The following HIVEP3 variants were observed in gnomAD, a reference collection of about 807,000 sequenced individuals.
The protein encoded by HIVEP3 is HIVEP zinc finger 3.
HIVEP3 carries 49 observed loss-of-function variants against 152.8 expected under a neutral mutation model. That is an observed-to-expected ratio of 0.32 (90% CI 0.26 to 0.41). The LOEUF (loss-of-function observed/expected upper bound fraction) is 0.41, where lower values mean the gene tolerates loss of function less well. Ranked by LOEUF, HIVEP3 falls within the 10% of genes least tolerant of loss-of-function variation. The pLI is 1.00. For missense variants in HIVEP3, 2,790 were observed against 3,103.3 expected, an observed-to-expected ratio of 0.90 and a Z score of 2.40; for synonymous variants, 1,269 against 1,289.0, an observed-to-expected ratio of 0.98 and a Z score of 0.33.
intron 2 of HIVEP3, among the ~76,000 whole-genome samples, chr1:41,639,835 T>C (rs1318571233): frequency 6.6e-6 from 1 of 152,178 alleles, no homozygotes; most frequent in East Asian, 1.9e-4. Flanking sequence ...GGTAGCTGAC[T>C]CACGGATGAG....
chr1:41,649,986 G>A (rs1042659774), intron 2 of HIVEP3, among the ~76,000 whole-genome samples: 1 of 152,066 alleles, frequency 6.6e-6, no homozygotes, highest in Non-Finnish European at 1.5e-5. Context: ...ACATCCCCGG[G>A]GGTGGGAAAG....
chr1:41,660,929 C>A (rs145723661), intron 2 of HIVEP3, among the ~76,000 whole-genome samples: 2 of 152,294 alleles, frequency 1.3e-5, no homozygotes, highest in African/African-American at 4.8e-5. Context: ...TGCTACTAGG[C>A]ACACAGGACA....
chr1:41,506,722 C>T lies in HIVEP3; in HGVS notation c.*3729G>A, dbSNP rs905804556. On this transcript the variant is annotated 3_prime_UTR_variant, in exon 9 of 9. Transcript: ENST00000372583. ...CAGGCAAAACTACCCCATCCCAGTG[C>T]GGTTGCTGTACATATCTACAGTACA... is the stretch of plus-strand genomic sequence containing the variant. The T allele has an allele frequency of 2.6e-5, 4 of 152,004 alleles. No homozygotes were observed. Among genetic ancestry groups the T allele is most frequent in the South Asian group, 2.1e-4 (1 of 4,802 alleles). 9.4% of individuals were successfully genotyped at this position (152,004 alleles called of 1,614,324 possible). A position where few individuals can be genotyped will look rare whatever the true frequency, so the allele number is the denominator to read the frequency against.
chr1:41,784,690 T>G (rs1649244622), intron 1 of HIVEP3, among the ~76,000 whole-genome samples: 1 of 152,216 alleles, frequency 6.6e-6, no homozygotes, highest in Admixed American at 6.5e-5. Flanking sequence ...AGAGTTTCCA[T>G]GACTTACTCA....
At chr1:41,961,207 A>C (rs556805403) in intron 1 of HIVEP3, among the ~76,000 whole-genome samples, 1 of 152,338 alleles carries the variant, frequency 6.6e-6, no homozygotes, top group African/African-American at 2.4e-5. Context: ...AAAAGCTGAG[A>C]GATACCTGGG....
At chr1:41,982,656 C>T (rs1645299528) in intron 1 of HIVEP3, among the ~76,000 whole-genome samples, 1 of 152,162 alleles carries the variant, frequency 6.6e-6, no homozygotes, top group Admixed American at 6.5e-5. Flanking sequence ...TCCACCGGGT[C>T]AGTTCTTGCC....
At chr1:41,536,695 TC>T (rs1643409418) in intron 5 of HIVEP3, among the ~76,000 whole-genome samples, 1 of 152,120 alleles carries the variant, frequency 6.6e-6, no homozygotes, top group African/African-American at 2.4e-5. Context: ...AACCACAGAT[TC>T]AGATTTTTAA....
chr1:41,583,829 GCGTT>G lies in HIVEP3; in HGVS notation c.965_968del (p.Glu322AlafsTer28). 1 of 1,605,380 alleles carries G rather than the reference GCGTT, an allele frequency of 6.2e-7. No individual in the cohort carries two copies. Among genetic ancestry groups the G allele is most frequent in the Non-Finnish European group, 8.5e-7 (1 of 1,175,352 alleles). On this transcript the variant is annotated frameshift_variant, in exon 4 of 9. Transcript: ENST00000372583. LOFTEE classifies it high-confidence loss of function. This position sits in a 1 kb window ranked among gnomAD's most constrained non-coding sequence, Gnocchi z 6.9. ...CTGTGCTGGACTGGGACAGGGAACA[GCGTT>G]CGTGGCTGGAACTGTGGCTCCCAGA...
At position 41,937,402 on chromosome 1, in the gene HIVEP3, C is replaced by A. The variant is rs185444415; in HGVS notation, n.120-18878G>T. ...AGACACAAAGAAACTTTTGCTCAGA[C>A]TTCTAGGAAGACAATCTAGGTACTT... On this transcript the variant is annotated intron_variant and non_coding_transcript_variant, in intron 1 of 3. Coordinates refer to the HIVEP3 transcript ENST00000489103. Among the ~76,000 whole-genome samples, 35 of 152,224 alleles carry A rather than the reference C, an allele frequency of 2.3e-4. 1 individual carries two copies. The East Asian group carries it at 6.0e-3, about 26-fold the overall frequency.
chr1:41,730,178 C>G (rs1335005049), intron 1 of HIVEP3, among the ~76,000 whole-genome samples: 1 of 152,144 alleles, frequency 6.6e-6, no homozygotes, highest in Non-Finnish European at 1.5e-5. Context: ...CCTCTTTGTC[C>G]ATTTGAGAGG....
intron 1 of HIVEP3, among the ~76,000 whole-genome samples, chr1:41,721,981 A>G (rs150078465): frequency 6.6e-6 from 1 of 152,218 alleles, no homozygotes; most frequent in Non-Finnish European, 1.5e-5. Flanking sequence ...CAGACTCTCA[A>G]TGATGAAGCT....
In HIVEP3 at chr1:41,581,404, G is replaced by T. The variant is rs376692306; in HGVS notation, c.3394C>A (p.Pro1132Thr). 1.8e-5 allele frequency: 29 copies of T among 1,606,118 alleles called. No individual in the cohort carries two copies. Among genetic ancestry groups the T allele is most frequent in the Admixed American group, 5.1e-5 (3 of 59,188 alleles). Residue 1132 changes from proline (P) to threonine (T), a missense_variant, in exon 4 of 9, where the codon CCC becomes ACC. By Grantham distance (38) the Pro-to-Thr change is conservative. This residue lies in a region of HIVEP3 where 1,078 missense variants were observed against 1,165.3 expected (regional missense o/e 0.93). Transcript: ENST00000372583. The surrounding 1 kb of genome is among the most constrained non-coding windows in gnomAD (Gnocchi z 4.5). Reference protein sequence around the residue: ...QVFHHPVAQTPLHEKPYLPPP... With the variant: ...QVFHHPVAQTTLHEKPYLPPP... ...GGCAGGTATGGCTTCTCATGCAGGG[G>T]TGTCTGGGCAACGGGGTGGTGGAAC...
At chr1:41,844,063 T>C (rs1250074097) in intron 1 of HIVEP3, among the ~76,000 whole-genome samples, 1 of 152,156 alleles carries the variant, frequency 6.6e-6, no homozygotes, top group African/African-American at 2.4e-5. Context: ...CTCCTCTCAT[T>C]GCCTGCTTCA....
chr1:41,564,364 C>CAG (rs1644129916), intron 5 of HIVEP3, among the ~76,000 whole-genome samples: 2 of 152,068 alleles, frequency 1.3e-5, no homozygotes, highest in Non-Finnish European at 2.9e-5. Flanking sequence ...ACAGCAGTTC[C>CAG]AGAGAGAGAG....
At chr1:41,716,600 C>T (rs1266280581) in intron 1 of HIVEP3, among the ~76,000 whole-genome samples, 1 of 152,188 alleles carries the variant, frequency 6.6e-6, no homozygotes, top group Admixed American at 6.5e-5. Flanking sequence ...TGGGAGGGCC[C>T]TCTGGACAGA....
At chr1:41,780,632 G>C (rs349426) in intron 1 of HIVEP3, among the ~76,000 whole-genome samples, 92,291 of 151,986 alleles carry the variant, frequency 0.61, 29,110 homozygotes, top group African/African-American at 0.79. Flanking sequence ...CCCCACAGAG[G>C]TCAAACCAGT....
At chr1:41,727,504 G>A (rs969382133) in intron 1 of HIVEP3, among the ~76,000 whole-genome samples, 1 of 152,220 alleles carries the variant, frequency 6.6e-6, no homozygotes, top group Non-Finnish European at 1.5e-5. Flanking sequence ...AAATGAAAGT[G>A]GCCTTGAGAA....
Position 41,513,292 on chromosome 1 carries a change from T to C in HIVEP3, c.5929A>G (p.Ser1977Gly), listed in dbSNP as rs1642496893. The C allele has an allele frequency of 1.2e-6, 2 of 1,611,770 alleles. No homozygotes were observed. The highest frequency in any genetic ancestry group is 2.7e-5 in the African/African-American group (2 of 74,756). Residue 1977 changes from serine to glycine, a missense_variant, in exon 8 of 9, where the codon AGC (serine) becomes GGC (glycine). Transcript: ENST00000372583. ...TGTTTGCGGGCTAGTGGTGGACGGC[T>C]GCCTGCTTCTTTGCTTGGGGACCAC... Reference protein sequence around the residue: ...RPWSPSKEAGSRPPLARKHSL... With the variant: ...RPWSPSKEAGGRPPLARKHSL...
At chr1:41,675,217 T>C (rs1250237736) in intron 2 of HIVEP3, among the ~76,000 whole-genome samples, 1 of 152,170 alleles carries the variant, frequency 6.6e-6, no homozygotes, top group Non-Finnish European at 1.5e-5. Context: ...GTCCAAGGCC[T>C]GCTTCAGTGA....
Sources: allele counts gnomAD v4.1 joint callset (sites outside exome capture counted in the v4.1 genomes callset), GRCh38; gene constraint gnomAD v4.1.1; regional missense constraint gnomAD v4.1.1; non-coding constraint Gnocchi (gnomAD v3.1); transcripts MANE v1.5; gene names NCBI Gene and HGNC (gene_info 2026-07-23, HGNC 2026-07-21).